The following ANKS1B variants were observed in gnomAD, a reference collection of about 807,000 sequenced individuals.
The protein encoded by ANKS1B is ankyrin repeat and sterile alpha motif domain containing 1B, also known as ankyrin repeat and sterile alpha motif domain-containing protein 1B.
ANKS1B carries 36 observed loss-of-function variants against 148.3 expected under a neutral mutation model. The ratio of observed to expected loss-of-function variants is 0.24; its 90% CI spans 0.19 to 0.32. The LOEUF (loss-of-function observed/expected upper bound fraction) is 0.32. Among genes scored for constraint, ANKS1B ranks in the 10% least tolerant of loss-of-function variants. The pLI is 1.00. For missense variants in ANKS1B, 1,157 were observed against 1,542.6 expected (o/e 0.75, Z 4.19); for synonymous variants, 542 against 560.8 (o/e 0.97, Z 0.47).
At chr12:99,187,221 C>G (rs572127957) in intron 14 of ANKS1B, among the ~76,000 whole-genome samples, 116 of 151,724 alleles carry the variant, frequency 7.6e-4, no homozygotes, top group Non-Finnish European at 1.3e-3. Context: ...GTTGGTGTAC[C>G]TGGAAGTGAC....
intron 1 of ANKS1B, among the ~76,000 whole-genome samples, chr12:99,909,580 T>C (rs2093925894): frequency 1.3e-5 from 2 of 152,202 alleles, no homozygotes; most frequent in South Asian, 4.1e-4. Flanking sequence ...TCTATTTTAT[T>C]CCATCTGTCT....
At chr12:98,811,578 C>T (rs1245305051) in intron 19 of ANKS1B, among the ~76,000 whole-genome samples, 2 of 152,174 alleles carry the variant, frequency 1.3e-5, no homozygotes, top group Admixed American at 6.5e-5. Context: ...CCCCTTCTCA[C>T]CAGGATTGGA....
intron 17 of ANKS1B, among the ~76,000 whole-genome samples, chr12:99,046,765 GC>G (rs1413028582): frequency 6.8e-6 from 1 of 147,432 alleles, no homozygotes; most frequent in East Asian, 2.0e-4. Context: ...CAGAGATTGT[GC>G]CACTGCACTC....
At chr12:99,574,095 G>A (rs938244302) in intron 9 of ANKS1B, among the ~76,000 whole-genome samples, 6 of 151,896 alleles carry the variant, frequency 4.0e-5, no homozygotes, top group African/African-American at 1.2e-4. Context: ...TTTGTCAGTG[G>A]GTTTATTCAA....
intron 8 of ANKS1B, 49 bp from the exon 9 acceptor site, chr12:99,655,259 G>C (rs772925719): frequency 6.9e-7 from 1 of 1,439,078 alleles, no homozygotes; most frequent in Non-Finnish European, 9.4e-7. Context: ...ATGATATTTA[G>C]ATATCTTAAC....
chr12:99,449,180 T>C (rs2095686034), intron 10 of ANKS1B, among the ~76,000 whole-genome samples: 1 of 152,158 alleles, frequency 6.6e-6, no homozygotes. Flanking sequence ...CTTACTTTTA[T>C]ATTAAAATGG....
intron 1 of ANKS1B, among the ~76,000 whole-genome samples, chr12:99,869,669 G>A (rs2091239864): frequency 6.9e-6 from 1 of 143,970 alleles, no homozygotes; most frequent in South Asian, 2.2e-4. Flanking sequence ...CAACAAGAGT[G>A]AAACTTTGTC....
chr12:99,186,958 GC>G (rs2079948635), intron 14 of ANKS1B, among the ~76,000 whole-genome samples: 1 of 149,126 alleles, frequency 6.7e-6, no homozygotes, highest in African/African-American at 2.5e-5. Flanking sequence ...TAAATGAATT[GC>G]TAACTAGAAT....
At chr12:99,900,786 C>T (rs1262787968) in intron 1 of ANKS1B, among the ~76,000 whole-genome samples, 1 of 152,144 alleles carries the variant, frequency 6.6e-6, no homozygotes, top group African/African-American at 2.4e-5. Context: ...TATATACTTG[C>T]TACTCTACTT....
At chr12:99,442,071 C>T (rs1323301484) in intron 11 of ANKS1B, among the ~76,000 whole-genome samples, 1 of 151,918 alleles carries the variant, frequency 6.6e-6, no homozygotes, top group Non-Finnish European at 1.5e-5. Context: ...ACTAGAAACA[C>T]ATTAACCCCA....
intron 14 of ANKS1B, among the ~76,000 whole-genome samples, chr12:99,197,122 A>G (rs1205147022): frequency 2.0e-5 from 3 of 152,166 alleles, no homozygotes; most frequent in African/African-American, 7.2e-5. Flanking sequence ...TCCAATCTGA[A>G]CGGAGAGATA....
chr12:99,668,381 A>G (rs987677236), intron 8 of ANKS1B, among the ~76,000 whole-genome samples: 17 of 151,756 alleles, frequency 1.1e-4, no homozygotes, highest in South Asian at 2.1e-4. Flanking sequence ...ATTGATTTTA[A>G]TCATTCTCAC....
At position 98,797,511 on chromosome 12, in the gene ANKS1B, A is replaced by G. The variant is rs184875797; in HGVS notation, c.3342+1423T>C. Among the ~76,000 whole-genome samples the G allele has an allele frequency of 2.0e-5, 3 of 152,344 alleles. No homozygotes were observed. The East Asian group carries it at 5.8e-4, about 29-fold the overall frequency. On this transcript the variant is annotated intron_variant, in intron 22 of 26. Transcript: ENST00000683438. ...TAACAGGTGACTCCTAAGGCAAATA[A>G]CCAGCCACGGAACTAAAACTTAGAG... is the stretch of plus-strand genomic sequence containing the variant.
intron 12 of ANKS1B, among the ~76,000 whole-genome samples, chr12:99,248,174 A>G (rs1292275338): frequency 6.6e-6 from 1 of 152,206 alleles, no homozygotes; most frequent in East Asian, 1.9e-4. Context: ...GAAATTGGCA[A>G]CCATAATAAA....
At chr12:99,620,919 A>T (rs1343867552) in intron 9 of ANKS1B, among the ~76,000 whole-genome samples, 1 of 152,168 alleles carries the variant, frequency 6.6e-6, no homozygotes, top group Non-Finnish European at 1.5e-5. Context: ...CACCTGCAAG[A>T]TACTATACAA....
chr12:99,371,752 A>G (rs753730357), intron 12 of ANKS1B, among the ~76,000 whole-genome samples: 2 of 152,156 alleles, frequency 1.3e-5, no homozygotes, highest in Admixed American at 6.5e-5. Context: ...GTTAAGCTCT[A>G]ATTATTAAGG....
intron 9 of ANKS1B, among the ~76,000 whole-genome samples, chr12:99,632,756 TATATATATATA>T (rs1567522842): frequency 0.014 from 1,231 of 90,828 alleles, 80 homozygotes; most frequent in Middle Eastern, 0.017. Flanking sequence ...TATATATATA[TATATATATATA>T]TTTTAATTAT....
At chr12:98,816,572 G>A (rs1372562636) in intron 19 of ANKS1B, among the ~76,000 whole-genome samples, 1 of 152,194 alleles carries the variant, frequency 6.6e-6, no homozygotes, top group East Asian at 1.9e-4. Context: ...GATTACAGGT[G>A]TGAGCCACTG....
chr12:99,744,339 C>G (rs868393595), intron 8 of ANKS1B, among the ~76,000 whole-genome samples: 25 of 152,230 alleles, frequency 1.6e-4, no homozygotes, highest in Middle Eastern at 3.4e-3. Flanking sequence ...GGCACAAATT[C>G]CCTGAACTGG....
Sources: gnomAD v4.1 joint callset for allele counts (sites outside exome capture counted in the v4.1 genomes callset) on GRCh38, gnomAD v4.1.1 for gene constraint, MANE v1.5 for transcripts, NCBI Gene and HGNC (gene_info 2026-07-23, HGNC 2026-07-21) for gene names.